Variants in NCR1 observed in about 807,000 individuals in gnomAD.
NCR1 encodes the protein natural cytotoxicity triggering receptor 1.
A neutral mutation model predicts 32.5 loss-of-function variants in NCR1; 30 were observed. The observed-to-expected ratio is 0.92, with a 90% confidence interval of 0.69 to 1.25. The LOEUF is 1.25. Ranked by LOEUF, NCR1 falls within the 50% of genes most tolerant of loss-of-function variation. The pLI, the probability that NCR1 is intolerant of heterozygous loss-of-function variation, is 0.00. For synonymous variants in NCR1, 169 were observed against 143.4 expected, an observed-to-expected ratio of 1.18 and a Z score of -1.28; for missense variants, 369 against 380.7, an observed-to-expected ratio of 0.97 and a Z score of 0.26.
chr19:54,922,417 C>T, the NCR1 span, among the ~76,000 whole-genome samples: 1 of 151,934 alleles, frequency 6.6e-6, no homozygotes, highest in Non-Finnish European at 1.5e-5. Flanking sequence ...CCGAGAGAAA[C>T]GGGGAGGCGA....
chr19:54,909,925 A>G lies in NCR1; in HGVS notation c.635-93A>G, dbSNP rs1602055881. On this transcript the variant is annotated intron_variant, in intron 4 of 6. Coordinates refer to ENST00000291890, the MANE Select transcript of NCR1 (RefSeq NM_004829.7). ...ACTGCAACCTGGGCGACAGAGCAAG[A>G]CTCCATCTCAAAAAAAAAAAAAAAA... 2.9e-6 allele frequency: 3 copies of G among 1,030,112 alleles called. No homozygotes were observed. The Admixed American group carries it at 7.7e-5, about 27-fold the overall frequency. The allele number at this position is 1,030,112 out of a possible 1,614,324, so 63.8% of individuals were successfully genotyped here. A position where few individuals can be genotyped will look rare whatever the true frequency, so the allele number is the denominator to read the frequency against.
chr19:54,930,513 G>A, the NCR1 span: 1 of 1,609,370 alleles, frequency 6.2e-7, no homozygotes, highest in South Asian at 1.1e-5. Context: ...GGTGTTTTAG[G>A]TTACAGTTTG....
downstream of NCR1, among the ~76,000 whole-genome samples, chr19:54,918,213 T>C (rs191748008): frequency 5.3e-5 from 8 of 152,074 alleles, no homozygotes; most frequent in Middle Eastern, 3.4e-3. Flanking sequence ...ATTACAGGTG[T>C]AAGCCACCGC....
At chr19:54,905,596 C>T (rs34549987), upstream of NCR1, among the ~76,000 whole-genome samples, 59,533 of 151,872 alleles carry the variant, frequency 0.39, 12,369 homozygotes, top group Non-Finnish European at 0.46. Context: ...TGTCTAGTGA[C>T]CTTGCAGCCG....
the NCR1 span, among the ~76,000 whole-genome samples, chr19:54,898,972 C>T: frequency 6.6e-6 from 1 of 151,562 alleles, no homozygotes; most frequent in African/African-American, 2.4e-5. Flanking sequence ...CTCGGCCTGG[C>T]GAGGAGGGGA....
chr19:54,904,735 T>C (rs1285566573), upstream of NCR1, among the ~76,000 whole-genome samples: 1 of 152,058 alleles, frequency 6.6e-6, no homozygotes, highest in Admixed American at 6.6e-5. Flanking sequence ...TTTCTGCATG[T>C]TGGTCAGGCT....
the NCR1 span, among the ~76,000 whole-genome samples, chr19:54,921,383 G>T: frequency 2.6e-5 from 4 of 152,186 alleles, no homozygotes. Flanking sequence ...AAGGGCTCAC[G>T]AAAGACAGCA....
chr19:54,906,545 C>T lies in NCR1; in HGVS notation c.93C>T (p.Ile31=), dbSNP rs2067624077. 8 of 1,610,190 alleles carry T rather than the reference C, an allele frequency of 5.0e-6. No homozygotes were observed. The highest frequency in any genetic ancestry group is 5.9e-6 in the Non-Finnish European group (7 of 1,180,010). Residue 31 remains isoleucine, a synonymous_variant, in exon 3 of 7, where the codon ATC becomes ATT. Transcript: ENST00000291890. ...AQQQTLPKPF[I]WAEPHFMVPK... ...CAGAGACTCTCCCAAAACCGTTCAT[C>T]TGGGCCGAGCCCCATTTCATGGTTC...
At chr19:54,925,796 C>T in the NCR1 span, among the ~76,000 whole-genome samples, 7 of 151,930 alleles carry the variant, frequency 4.6e-5, no homozygotes, top group South Asian at 6.2e-4. Context: ...GTCAGGAATT[C>T]GAGACCAGCC....
the NCR1 span, chr19:54,933,431 C>T: frequency 1.8e-6 from 2 of 1,089,060 alleles, no homozygotes; most frequent in South Asian, 1.3e-5. Context: ...AGGCATGAGC[C>T]ACCACGCCTG....
chr19:54,919,347 G>A (rs924418396), downstream of NCR1, among the ~76,000 whole-genome samples: 3 of 152,262 alleles, frequency 2.0e-5, no homozygotes, highest in African/African-American at 7.2e-5. Flanking sequence ...GCAGGGTAAA[G>A]AGTGTGAGTC....
rs370578118 is a variant in NCR1, at chr19:54,906,478, G to T, written c.71-45G>T. 3.1e-6 allele frequency: 5 copies of T among 1,599,742 alleles called. No homozygotes were observed. In the South Asian group the frequency reaches 3.3e-5, roughly 11 times the overall value. On this transcript the variant is annotated intron_variant, in intron 2 of 6. Coordinates refer to ENST00000291890, the MANE Select transcript of NCR1 (RefSeq NM_004829.7). The stretch of plus-strand genomic sequence containing the variant: ...GCAGCTGGGTGGAGCCTAAGGTTGG[G>T]GGGAGGGGGCTCCGCTGGAACTCCA...
At chr19:54,907,886 AATAT>A (rs1382838428) in intron 3 of NCR1, among the ~76,000 whole-genome samples, 1 of 152,068 alleles carries the variant, frequency 6.6e-6, no homozygotes, top group African/African-American at 2.4e-5. Context: ...CTTGTGTTGA[AATAT>A]ATATATTTTT....
the NCR1 span, among the ~76,000 whole-genome samples, chr19:54,932,501 C>A: frequency 6.6e-6 from 1 of 151,980 alleles, no homozygotes; most frequent in Non-Finnish European, 1.5e-5. Context: ...CAACCCTATG[C>A]AATCTCTTGA....
chr19:54,918,409 C>T (rs2068177755), downstream of NCR1, among the ~76,000 whole-genome samples: 5 of 152,122 alleles, frequency 3.3e-5, no homozygotes, highest in South Asian at 1.0e-3. Context: ...GCTGGCATTA[C>T]AGACACCCAC....
chr19:54,935,620 G>A, the NCR1 span, among the ~76,000 whole-genome samples: 1 of 151,440 alleles, frequency 6.6e-6, no homozygotes, highest in East Asian at 1.9e-4. Flanking sequence ...TTGAACCCAG[G>A]AGGCGGAGGT....
chr19:54,933,858 T>C, the NCR1 span: 1 of 887,764 alleles, frequency 1.1e-6, no homozygotes, highest in East Asian at 2.5e-5. Context: ...TCCCCTGCCC[T>C]CTGTCCTGTG....
At chr19:54,929,231 T>C in the NCR1 span, among the ~76,000 whole-genome samples, 3 of 151,976 alleles carry the variant, frequency 2.0e-5, no homozygotes, top group East Asian at 5.8e-4. Flanking sequence ...TAGCTGGGTA[T>C]GGTGGTGCAC....
the NCR1 span, among the ~76,000 whole-genome samples, chr19:54,929,160 G>A: frequency 6.6e-6 from 1 of 152,060 alleles, no homozygotes; most frequent in Non-Finnish European, 1.5e-5. Flanking sequence ...CTTGAGGTCA[G>A]GAGTTTGAGA....
Sources: gnomAD v4.1 joint callset for allele counts (sites outside exome capture counted in the v4.1 genomes callset) on GRCh38, gnomAD v4.1.1 for gene constraint, MANE v1.5 for transcripts, NCBI Gene and HGNC (gene_info 2026-07-23, HGNC 2026-07-21) for gene names.